Variants in MED27 observed in about 807,000 individuals in gnomAD.
The protein encoded by MED27 is mediator complex subunit 27, also known as mediator of RNA polymerase II transcription subunit 27.
In MED27, 30 loss-of-function variants were observed where a neutral mutation model predicts 38.2. That is an observed-to-expected ratio of 0.79 (90% CI 0.59 to 1.07). The LOEUF is 1.07. MED27 is among the 50% of genes least tolerant of loss of function. The pLI, the probability that MED27 is intolerant of heterozygous loss-of-function variation, is 0.00. For missense variants in MED27, 289 were observed against 397.5 expected (o/e 0.73, Z 2.32); for synonymous variants, 122 against 153.5 (o/e 0.79, Z 1.52).
At chr9:132,007,409 A>G (rs1424696606) in intron 3 of MED27, among the ~76,000 whole-genome samples, 1 of 152,218 alleles carries the variant, frequency 6.6e-6, no homozygotes, top group Non-Finnish European at 1.5e-5. Flanking sequence ...AACATAAAGG[A>G]ATCTCAAAAA....
At chr9:132,023,222 G>T (rs949489472) in intron 2 of MED27, among the ~76,000 whole-genome samples, 2 of 152,072 alleles carry the variant, frequency 1.3e-5, no homozygotes, top group African/African-American at 4.8e-5. Flanking sequence ...AAAGAAAACA[G>T]ATGGTTTTCA....
intron 2 of MED27, among the ~76,000 whole-genome samples, chr9:132,023,983 A>G (rs1001103262): frequency 3.3e-5 from 5 of 152,144 alleles, no homozygotes; most frequent in African/African-American, 7.2e-5. Context: ...GACTACGAGG[A>G]GGCAACGGGT....
intron 4 of MED27, among the ~76,000 whole-genome samples, chr9:131,921,484 C>A (rs1236085953): frequency 6.6e-6 from 1 of 152,170 alleles, no homozygotes; most frequent in South Asian, 2.1e-4. Context: ...GATACCATCT[C>A]GCACCAGTTA....
At chr9:131,956,312 C>CAAGATGAAGAGTTCTG (rs1334549836) in intron 3 of MED27, among the ~76,000 whole-genome samples, 1 of 152,068 alleles carries the variant, frequency 6.6e-6, no homozygotes, top group Non-Finnish European at 1.5e-5. Context: ...TTTAGTTTTG[C>CAAGATGAAGAGTTCTG]AAGATGAAGA....
intron 3 of MED27, among the ~76,000 whole-genome samples, chr9:131,947,190 T>G (rs1830903015): frequency 6.6e-6 from 1 of 152,114 alleles, no homozygotes; most frequent in South Asian, 2.1e-4. Flanking sequence ...AAGTTCTCTT[T>G]AGCAGAGGAA....
chr9:131,980,166 ACG>A (rs1831698930), intron 3 of MED27, among the ~76,000 whole-genome samples: 1 of 147,308 alleles, frequency 6.8e-6, no homozygotes, highest in Non-Finnish European at 1.5e-5. Flanking sequence ...GTACACACAC[ACG>A]TATGTATAAA....
intron 4 of MED27, among the ~76,000 whole-genome samples, chr9:131,925,021 T>C (rs562334174): frequency 1.7e-4 from 26 of 152,300 alleles, no homozygotes; most frequent in Middle Eastern, 3.4e-3. Context: ...GCTTACCCAA[T>C]AGATGACAGG....
At chr9:131,881,926 G>T (rs1443344341) in intron 6 of MED27, among the ~76,000 whole-genome samples, 1 of 148,806 alleles carries the variant, frequency 6.7e-6, no homozygotes, top group Non-Finnish European at 1.5e-5. Flanking sequence ...TGGCTGATTT[G>T]TGTATTTTTA....
intron 4 of MED27, among the ~76,000 whole-genome samples, chr9:131,900,915 A>AAGAGAGAGGGAGAGGG (rs930621080): frequency 6.6e-6 from 1 of 150,884 alleles, no homozygotes; most frequent in Non-Finnish European, 1.5e-5. Flanking sequence ...AGCAGAAAGA[A>AAGAGAGAGGGAGAGGG]AGAGAGAGGG....
At chr9:131,965,865 A>G (rs1178615901) in intron 3 of MED27, among the ~76,000 whole-genome samples, 1 of 152,000 alleles carries the variant, frequency 6.6e-6, no homozygotes, top group Non-Finnish European at 1.5e-5. Context: ...CTGTATCACC[A>G]CCACCACCCG....
At chr9:131,929,654 C>T (rs533765828) in intron 4 of MED27, among the ~76,000 whole-genome samples, 113 of 152,216 alleles carry the variant, frequency 7.4e-4, no homozygotes, top group Non-Finnish European at 1.2e-3. Flanking sequence ...GTGGTGGTGG[C>T]GGTCACTGGG....
intron 3 of MED27, 47 bp downstream of exon 3, chr9:132,014,290 A>G: frequency 6.4e-7 from 1 of 1,562,630 alleles, no homozygotes; most frequent in African/African-American, 1.4e-5. Context: ...GTATAAAGTA[A>G]AAAAGTTCAC....
In MED27 at chr9:131,893,402, C is replaced by T. The variant is rs139699614; in HGVS notation, c.681+483G>A. Among the ~76,000 whole-genome samples, 19 of 152,290 alleles carry T rather than the reference C, an allele frequency of 1.2e-4. No homozygotes were observed. In the East Asian group the frequency reaches 1.9e-3, roughly 15 times the overall value. ...AAACAAGTCACCCGTGGAAATAACA[C>T]GTCTTCTTTCAACAGCAGTATTCAA... On this transcript the variant is annotated intron_variant, in intron 5 of 7. Transcript: ENST00000292035.
At chr9:131,919,667 AGCACAG>A (rs1830354710) in intron 4 of MED27, among the ~76,000 whole-genome samples, 1 of 152,196 alleles carries the variant, frequency 6.6e-6, no homozygotes, top group South Asian at 2.1e-4. Context: ...CACAGTGCCC[AGCACAG>A]GGAATGCTCC....
At chr9:131,916,689 A>G (rs898755603) in intron 4 of MED27, among the ~76,000 whole-genome samples, 5 of 152,256 alleles carry the variant, frequency 3.3e-5, no homozygotes, top group East Asian at 1.9e-4. Context: ...CTGGCATGCT[A>G]TGTCATGAGG....
At chr9:131,886,112 T>C (rs1221909895) in intron 5 of MED27, among the ~76,000 whole-genome samples, 1 of 152,242 alleles carries the variant, frequency 6.6e-6, no homozygotes, top group Non-Finnish European at 1.5e-5. Flanking sequence ...GCTCTGTGTC[T>C]ATTCTGCGGA....
rs188129995 is a variant in MED27, at chr9:132,073,650, T to C, written c.348+3792A>G. On this transcript the variant is annotated intron_variant, in intron 2 of 7. Coordinates refer to ENST00000292035, the MANE Select transcript of MED27 (RefSeq NM_004269.4). ...TGCAGTAACTTAGTCATTAAGCAAC[T>C]GGATTCTAATAAGAACAGTTCAGGA... 3.1e-4 allele frequency: 453 copies of C among 1,461,964 alleles called. No homozygotes were observed. In the African/African-American group the frequency reaches 4.1e-3, roughly 13 times the overall value. The allele number at this position is 1,461,964 out of a possible 1,614,324, so 90.6% of individuals were successfully genotyped here.
chr9:132,014,485 A>G lies in MED27; in HGVS notation c.349-18T>C. The G allele has an allele frequency of 6.2e-7, 1 of 1,608,336 alleles. No individual in the cohort carries two copies. Among genetic ancestry groups the G allele is most frequent in the Non-Finnish European group, 8.5e-7 (1 of 1,177,494 alleles). ...TACTGCAACTGCAGAGAAAAACAAA[A>G]CAAAAGGGGAAGAAAAATAGCATTT... is the stretch of plus-strand genomic sequence containing the variant. On this transcript the variant is annotated intron_variant, in intron 2 of 7. Coordinates refer to ENST00000292035, the MANE Select transcript of MED27 (RefSeq NM_004269.4).
intron 3 of MED27, among the ~76,000 whole-genome samples, chr9:131,986,999 ATTTTTTTTTTTTTTTTTTT>A (rs66519112): frequency 4.3e-5 from 2 of 46,224 alleles, no homozygotes; most frequent in East Asian, 1.7e-3. Context: ...GAGTTCATGG[ATTTTTTTTTTTTTTTTTTT>A]TTTTTTTTTT....
Sources: gnomAD v4.1 joint callset for allele counts (sites outside exome capture counted in the v4.1 genomes callset) on GRCh38, gnomAD v4.1.1 for gene constraint, MANE v1.5 for transcripts, NCBI Gene and HGNC (gene_info 2026-07-23, HGNC 2026-07-21) for gene names.